The following ZNF385D variants were observed in gnomAD, a reference collection of about 807,000 sequenced individuals.
ZNF385D encodes the protein zinc finger protein 385D.
In ZNF385D, 15 loss-of-function variants were observed where a neutral mutation model predicts 35.8. That is an observed-to-expected ratio of 0.42 (90% CI 0.28 to 0.64). ZNF385D has a LOEUF of 0.64. Among genes scored for constraint, ZNF385D ranks in the 30% least tolerant of loss-of-function variants. The probability of loss-of-function intolerance (pLI) is 0.23; values close to 1 mark genes in which losing one functional copy is unlikely to be tolerated. For synonymous variants in ZNF385D, 212 were observed against 186.8 expected, an observed-to-expected ratio of 1.13 and a Z score of -1.10; for missense variants, 474 against 494.6, an observed-to-expected ratio of 0.96 and a Z score of 0.39.
chr3:22,276,344 G>A lies in ZNF385D; in HGVS notation c.106+96106C>T, dbSNP rs191049980. Among the ~76,000 whole-genome samples the A allele has an allele frequency of 1.1e-3, 164 of 152,062 alleles. 1 individual carries two copies. The highest frequency in any genetic ancestry group is 4.6e-3 in the Admixed American group (70 of 15,270). ...ACATTATAATTTATAATAGCCACTC[G>A]TTATTTATATATTCAGTAACACTCT... On this transcript the variant is annotated intron_variant, in intron 2 of 5. Coordinates refer to the ZNF385D transcript ENST00000494108.
chr3:21,787,429 T>C (rs1482125387), intron 3 of ZNF385D, among the ~76,000 whole-genome samples: 1 of 152,162 alleles, frequency 6.6e-6, no homozygotes, highest in African/African-American at 2.4e-5. Flanking sequence ...AAAAACTAAA[T>C]GGGAATACCC....
chr3:21,606,002 C>T (rs1021517252), intron 2 of ZNF385D, among the ~76,000 whole-genome samples: 3 of 152,178 alleles, frequency 2.0e-5, no homozygotes, highest in African/African-American at 7.2e-5. Flanking sequence ...TCCTTCCACT[C>T]TGACTTTCTC....
At chr3:21,593,526 A>G (rs1376517059) in intron 2 of ZNF385D, among the ~76,000 whole-genome samples, 1 of 152,184 alleles carries the variant, frequency 6.6e-6, no homozygotes. Context: ...GCAGAGAAGT[A>G]AATAAAAGCC....
intron 3 of ZNF385D, among the ~76,000 whole-genome samples, chr3:22,070,081 A>G (rs1700155389): frequency 6.6e-6 from 1 of 152,214 alleles, no homozygotes; most frequent in Non-Finnish European, 1.5e-5. Context: ...GCCCTTTCCT[A>G]GAATTAAAAA....
At chr3:21,768,012 T>G (rs1287281221) in intron 3 of ZNF385D, among the ~76,000 whole-genome samples, 1 of 152,102 alleles carries the variant, frequency 6.6e-6, no homozygotes, top group Non-Finnish European at 1.5e-5. Context: ...AAGTACATCC[T>G]AAGCATGAGG....
At chr3:21,797,755 C>T (rs966850423) in intron 3 of ZNF385D, among the ~76,000 whole-genome samples, 3 of 152,144 alleles carry the variant, frequency 2.0e-5, no homozygotes, top group East Asian at 3.9e-4. Context: ...TTTGAAGAGG[C>T]CCCATGCTAT....
At chr3:22,188,163 C>G (rs907195619) in intron 2 of ZNF385D, among the ~76,000 whole-genome samples, 3 of 152,042 alleles carry the variant, frequency 2.0e-5, no homozygotes, top group South Asian at 2.1e-4. Context: ...AAAGACGAAA[C>G]CGAATTTTCA....
chr3:22,239,900 G>T (rs922950175), intron 2 of ZNF385D, among the ~76,000 whole-genome samples: 6 of 150,476 alleles, frequency 4.0e-5, no homozygotes, highest in African/African-American at 1.5e-4. Context: ...TTTCAGCCTG[G>T]GCATGGTTGC....
rs939193401 is a variant in ZNF385D at position 21,538,795 on chromosome 3, A to G, written c.276+25779T>C. Among the ~76,000 whole-genome samples, 4 of 152,166 alleles carry G rather than the reference A, an allele frequency of 2.6e-5. No homozygotes were observed. In the East Asian group the frequency reaches 7.7e-4, roughly 29 times the overall value. ...AGGGAAACTCTTCTTTAAGTTATTT[A>G]TGTAAACTAAAGATTTATCATTTCA... On this transcript the variant is annotated intron_variant, in intron 3 of 7. Coordinates refer to ENST00000281523, the MANE Select transcript of ZNF385D (RefSeq NM_024697.3).
At chr3:21,699,697 A>G (rs932496020) in intron 1 of ZNF385D, among the ~76,000 whole-genome samples, 1 of 151,832 alleles carries the variant, frequency 6.6e-6, no homozygotes, top group Non-Finnish European at 1.5e-5. Context: ...TACTTTTGAT[A>G]TATTATTAAG....
intron 2 of ZNF385D, among the ~76,000 whole-genome samples, chr3:21,577,812 C>CTT (rs779083360): frequency 1.5e-5 from 2 of 133,564 alleles, no homozygotes; most frequent in Non-Finnish European, 1.6e-5. Flanking sequence ...TATTTTTTTT[C>CTT]TTTTTTTTTT....
chr3:22,141,592 C>T (rs1023474851), intron 3 of ZNF385D, among the ~76,000 whole-genome samples: 4 of 151,988 alleles, frequency 2.6e-5, no homozygotes, highest in African/African-American at 7.2e-5. Context: ...TGGTGGGACC[C>T]GCGGTAGTTC....
At chr3:21,557,151 C>T (rs2062771415) in intron 3 of ZNF385D, among the ~76,000 whole-genome samples, 1 of 152,120 alleles carries the variant, frequency 6.6e-6, no homozygotes, top group South Asian at 2.1e-4. Context: ...ATTGAATACC[C>T]TTTATTTCTT....
chr3:21,864,868 A>G (rs1697252049), intron 3 of ZNF385D, among the ~76,000 whole-genome samples: 1 of 151,952 alleles, frequency 6.6e-6, no homozygotes, highest in Non-Finnish European at 1.5e-5. Flanking sequence ...ATGTAGGTCA[A>G]GTAAATACAA....
chr3:21,560,682 A>G (rs60352620), intron 3 of ZNF385D, among the ~76,000 whole-genome samples: 2,087 of 152,300 alleles, frequency 0.014, 48 homozygotes, highest in African/African-American at 0.047. Context: ...GTGCTGGGAG[A>G]TCCGCTGCTC....
At chr3:22,258,894 G>C (rs1559483651) in intron 2 of ZNF385D, among the ~76,000 whole-genome samples, 1 of 151,684 alleles carries the variant, frequency 6.6e-6, no homozygotes, top group Admixed American at 6.6e-5. Flanking sequence ...ATAATATATT[G>C]CTGTGCTTGA....
intron 3 of ZNF385D, among the ~76,000 whole-genome samples, chr3:21,861,286 A>G: frequency 6.6e-6 from 1 of 152,114 alleles, no homozygotes; most frequent in Admixed American, 6.6e-5. Flanking sequence ...TATAAACTGG[A>G]AAATTCAGAA....
At chr3:21,890,366 C>G (rs998449775) in intron 3 of ZNF385D, among the ~76,000 whole-genome samples, 5 of 152,116 alleles carry the variant, frequency 3.3e-5, no homozygotes, top group Admixed American at 3.3e-4. Context: ...TGCCTGTAAT[C>G]CCAGCACTTT....
At chr3:21,472,497 T>C (rs1232741852) in intron 4 of ZNF385D, among the ~76,000 whole-genome samples, 1 of 152,168 alleles carries the variant, frequency 6.6e-6, no homozygotes, top group African/African-American at 2.4e-5. Flanking sequence ...CCATTGTCCA[T>C]GTGTTACCTC....
Sources: allele counts gnomAD v4.1 joint callset (sites outside exome capture counted in the v4.1 genomes callset), GRCh38; gene constraint gnomAD v4.1.1; transcripts MANE v1.5; gene names NCBI Gene and HGNC (gene_info 2026-07-23, HGNC 2026-07-21).